MRTFB: variants seen among roughly 807,000 people sequenced by gnomAD.
MRTFB encodes the protein myocardin related transcription factor B, also known as myocardin-related transcription factor B.
In MRTFB, 29 loss-of-function variants were observed where a neutral mutation model predicts 104.2. The ratio of observed to expected loss-of-function variants is 0.28; its 90% CI spans 0.21 to 0.38. The LOEUF is 0.38. MRTFB is among the 10% of genes least tolerant of loss of function. The probability of loss-of-function intolerance (pLI) is 1.00; values close to 1 mark genes in which losing one functional copy is unlikely to be tolerated. For synonymous variants in MRTFB, 535 were observed against 519.5 expected, an observed-to-expected ratio of 1.03 and a Z score of -0.41; for missense variants, 1,270 against 1,341.6, an observed-to-expected ratio of 0.95 and a Z score of 0.83.
In MRTFB at chr16:14,247,489, A is replaced by C. The variant is rs1597371773; in HGVS notation, c.2229A>C (p.Val743=). The C allele has an allele frequency of 6.4e-7, 1 of 1,562,202 alleles. No homozygotes were observed. Among genetic ancestry groups the C allele is most frequent in the Non-Finnish European group, 8.6e-7 (1 of 1,159,148 alleles). ...GTGTCACCTCAGTGCAACTCCCTGT[A>C]GGCAGCCTCAAACTCCAGGTGTGAA... ...GSSVTSVQLP[V]GSLKLQTSPQ... Residue 743 remains valine (V), a synonymous_variant, in exon 12 of 17, where the codon GTA becomes GTC. Coordinates refer to ENST00000571589, the MANE Select transcript of MRTFB (RefSeq NM_001308142.2).
At chr16:14,109,677 C>A (rs991995188) in intron 2 of MRTFB, among the ~76,000 whole-genome samples, 1 of 152,112 alleles carries the variant, frequency 6.6e-6, no homozygotes, top group East Asian at 1.9e-4. Context: ...AAGTAATTGT[C>A]CCTGGTTACC....
At chr16:14,076,965 A>G (rs949695772) in intron 1 of MRTFB, among the ~76,000 whole-genome samples, 4 of 152,088 alleles carry the variant, frequency 2.6e-5, no homozygotes, top group African/African-American at 4.8e-5. Flanking sequence ...CCCTTTGCAC[A>G]TTTTTCTTTT....
intron 8 of MRTFB, among the ~76,000 whole-genome samples, chr16:14,229,662 CTGTTTT>C (rs1567193278): frequency 6.6e-6 from 1 of 152,080 alleles, no homozygotes; most frequent in South Asian, 2.1e-4. Context: ...GCTCTGACTT[CTGTTTT>C]TTTTATATTG....
In MRTFB at chr16:14,247,025, G is replaced by T. The variant is rs921182389; in HGVS notation, c.1765G>T (p.Glu589Ter). ...AATCGAAGAGCTGAAGAGGAAACTG[G>T]AACAAGAGCAGAAGCTCGTGGAAGT... is the stretch of plus-strand genomic sequence containing the variant. Reference protein sequence around the residue: ...KQIEELKRKLEQEQKLVEVLK... With the variant: ...KQIEELKRKL The change falls in exon 12 of 17, where the codon GAA (glutamate) becomes TAA (stop). Residue 589 changes from glutamate (E) to a stop codon, truncating the protein, a stop_gained. Transcript: ENST00000571589. LOFTEE classifies it high-confidence loss of function. The T allele has an allele frequency of 6.2e-7, 1 of 1,614,176 alleles. No individual in the cohort carries two copies. The highest frequency in any genetic ancestry group is 1.1e-5 in the South Asian group (1 of 91,084).
intron 2 of MRTFB, among the ~76,000 whole-genome samples, chr16:14,109,584 A>C (rs2036167025): frequency 1.3e-5 from 2 of 152,224 alleles, no homozygotes; most frequent in Non-Finnish European, 2.9e-5. Flanking sequence ...ACAGCTTGCC[A>C]AAGTCCGTGG....
chr16:14,258,024 T>TC, intron 15 of MRTFB, 77 bp from the exon 16 acceptor site: 1 of 1,217,344 alleles, frequency 8.2e-7, no homozygotes, highest in Admixed American at 1.8e-5. Flanking sequence ...ATCTAGAAAG[T>TC]CCCTTAGGAC....
chr16:13,996,405 G>A, the MRTFB span, among the ~76,000 whole-genome samples: 1 of 152,174 alleles, frequency 6.6e-6, no homozygotes, highest in Non-Finnish European at 1.5e-5. Flanking sequence ...TACTACTGTG[G>A]GCACAGGAGA....
intron 3 of MRTFB, among the ~76,000 whole-genome samples, chr16:14,185,258 T>C (rs1022668124): frequency 6.6e-6 from 1 of 152,162 alleles, no homozygotes; most frequent in Non-Finnish European, 1.5e-5. Context: ...AAAGGATAGA[T>C]AGCAATCTTT....
chr16:14,021,939 A>G, the MRTFB span, among the ~76,000 whole-genome samples: 2 of 152,164 alleles, frequency 1.3e-5, no homozygotes, highest in Non-Finnish European at 2.9e-5. Flanking sequence ...GATACCCAGT[A>G]GTGGGACTGC....
At chr16:14,079,707 AT>A (rs1215585562) in intron 2 of MRTFB, among the ~76,000 whole-genome samples, 1 of 152,198 alleles carries the variant, frequency 6.6e-6, no homozygotes, top group East Asian at 1.9e-4. Flanking sequence ...AGTTGAAAGA[AT>A]TTTAAGCTAC....
chr16:14,149,944 A>G (rs536083564), intron 3 of MRTFB, among the ~76,000 whole-genome samples: 1 of 152,314 alleles, frequency 6.6e-6, no homozygotes, highest in South Asian at 2.1e-4. Context: ...GGTTGGAATA[A>G]TCTTACGTAT....
chr16:14,238,117 T>TA (rs1055994050), intron 9 of MRTFB, among the ~76,000 whole-genome samples: 3 of 152,148 alleles, frequency 2.0e-5, no homozygotes, highest in Admixed American at 6.5e-5. Flanking sequence ...TGGAGACGTT[T>TA]CTGGTTGTCA....
Position 14,105,330 on chromosome 16 carries a change from A to G in MRTFB, c.-64+25976A>G, listed in dbSNP as rs75398742. Among the ~76,000 whole-genome samples, 16 of 152,152 alleles carry G rather than the reference A, an allele frequency of 1.1e-4. No homozygotes were observed. The East Asian group carries it at 3.1e-3, about 29-fold the overall frequency. On this transcript the variant is annotated intron_variant, in intron 2 of 16. Transcript: ENST00000571589. ...TATAAAAGGTCATCAGAAAGGAATG[A>G]TGTTTACTTTAAAAAAAGAAAAGTT...
the MRTFB span, among the ~76,000 whole-genome samples, chr16:14,020,747 C>T: frequency 1.3e-5 from 2 of 152,234 alleles, no homozygotes; most frequent in South Asian, 2.1e-4. Flanking sequence ...CCAATGAGCC[C>T]TTAACCCTTG....
At position 14,246,988 on chromosome 16, in the gene MRTFB, G is replaced by A; in HGVS notation, c.1728G>A (p.Glu576=). 6.2e-7 allele frequency: 1 copy of A among 1,614,178 alleles called. No individual in the cohort carries two copies. The highest frequency in any genetic ancestry group is 8.5e-7 in the Non-Finnish European group (1 of 1,180,050). Residue 576 remains glutamate (E), a synonymous_variant, in exon 12 of 17, where the codon GAG becomes GAA. Transcript: ENST00000571589. ...CCGAAAAGGATCGCAAGCTTCAGGAGAAAGAGAAGCAAATCGAAGAGCTGA... is the reference window on the plus strand; with the variant it reads ...CCGAAAAGGATCGCAAGCTTCAGGAAAAAGAGAAGCAAATCGAAGAGCTGA... The part of the protein sequence containing the change: ...DAAEKDRKLQ[E]KEKQIEELKR...
chr16:14,003,210 C>T, the MRTFB span, among the ~76,000 whole-genome samples: 1 of 152,178 alleles, frequency 6.6e-6, no homozygotes, highest in African/African-American at 2.4e-5. Flanking sequence ...CCAGCCAACA[C>T]TCCGAGAGCC....
the MRTFB span, among the ~76,000 whole-genome samples, chr16:14,017,593 GTATATATATATATA>G: frequency 0.12 from 7,261 of 58,212 alleles, 694 homozygotes; most frequent in South Asian, 0.15. Context: ...ACTGACTACA[GTATATATATATATA>G]TATATATATA....
At chr16:14,221,018 T>C (rs1047651985) in intron 8 of MRTFB, among the ~76,000 whole-genome samples, 4 of 152,200 alleles carry the variant, frequency 2.6e-5, no homozygotes, top group African/African-American at 7.2e-5. Flanking sequence ...TATTATACTT[T>C]TATTCATGTA....
rs576419269 is a variant in MRTFB, at chr16:14,141,107, C to T, written c.154+347C>T. On this transcript the variant is annotated intron_variant, in intron 3 of 16. Transcript: ENST00000571589. ...TACATTGTGGATATGACTGCATTCT[C>T]CTCCCACTTTCTCCATCTCCGGTGT... is the stretch of plus-strand genomic sequence containing the variant. 4 of 202,026 alleles carry T rather than the reference C, an allele frequency of 2.0e-5. No homozygotes were observed. The South Asian group carries it at 4.2e-4, about 21-fold the overall frequency. The allele number at this position is 202,026 out of a possible 1,614,324, so 12.5% of individuals were successfully genotyped here. A position where few individuals can be genotyped will look rare whatever the true frequency, so the allele number is the denominator to read the frequency against.
Sources: gnomAD v4.1 joint callset for allele counts (sites outside exome capture counted in the v4.1 genomes callset) on GRCh38, gnomAD v4.1.1 for gene constraint, MANE v1.5 for transcripts, NCBI Gene and HGNC (gene_info 2026-07-23, HGNC 2026-07-21) for gene names.